Variants in WRN observed in about 807,000 individuals in gnomAD.
The protein encoded by WRN is bifunctional 3'-5' exonuclease/ATP-dependent helicase WRN.
WRN carries 149 observed loss-of-function variants against 180.7 expected under a neutral mutation model. The observed-to-expected ratio is 0.82, with a 90% CI of 0.72 to 0.94. The LOEUF is 0.94. WRN is among the 40% of genes least tolerant of loss of function. The pLI, the probability that WRN is intolerant of heterozygous loss-of-function variation, is 0.00. For missense variants in WRN, 1,661 were observed against 1,700.1 expected (o/e 0.98, Z 0.40); for synonymous variants, 548 against 568.9 (o/e 0.96, Z 0.52).
rs1802017991 is a variant in WRN, at chr8:31,128,630, C to T, written c.2825+3630C>T. On this transcript the variant is annotated intron_variant, in intron 23 of 34. Coordinates refer to ENST00000298139, the MANE Select transcript of WRN (RefSeq NM_000553.6). ...ATCCCAGCACTTTGGGAGGCCGAGG[C>T]GGGTGGATCCCGAGGTCAGGAGATC... Among the ~76,000 whole-genome samples, 5 of 152,134 alleles carry T rather than the reference C, an allele frequency of 3.3e-5. No homozygotes were observed. In the South Asian group the frequency reaches 1.0e-3, roughly 31 times the overall value.
chr8:31,035,103 A>G (rs1002499816), intron 1 of WRN, among the ~76,000 whole-genome samples: 40 of 152,116 alleles, frequency 2.6e-4, no homozygotes, highest in African/African-American at 9.2e-4. Flanking sequence ...AATCCAACAA[A>G]TGTTTATTAA....
At chr8:31,098,828 T>TA (rs1355159126) in intron 17 of WRN, among the ~76,000 whole-genome samples, 14 of 152,152 alleles carry the variant, frequency 9.2e-5, no homozygotes, top group African/African-American at 2.4e-5. Context: ...TTTCCAGGGA[T>TA]AAGGTTTAGC....
At chr8:31,140,015 T>G (rs1228465783) in intron 24 of WRN, among the ~76,000 whole-genome samples, 2 of 120,208 alleles carry the variant, frequency 1.7e-5, no homozygotes, top group African/African-American at 3.2e-5. Context: ...TTTTTTTTTT[T>G]TTTTTTTTTT....
intron 27 of WRN, among the ~76,000 whole-genome samples, chr8:31,143,056 T>TACATTC (rs760602455): frequency 8.7e-6 from 1 of 115,590 alleles, no homozygotes; most frequent in Non-Finnish European, 1.9e-5. Context: ...CACACACACA[T>TACATTC]TCTCTCTCTC....
chr8:31,087,754 A>G, intron 11 of WRN, 22 bp from the exon 12 acceptor site: 2 of 1,609,872 alleles, frequency 1.2e-6, no homozygotes, highest in Non-Finnish European at 1.7e-6. Context: ...TTTTGCTTTT[A>G]AGATTTCTTT....
At chr8:31,116,986 C>T (rs186620822) in intron 20 of WRN, among the ~76,000 whole-genome samples, 128 of 152,086 alleles carry the variant, frequency 8.4e-4, no homozygotes, top group African/African-American at 2.8e-3. Context: ...AGGAATGGCA[C>T]AAAGTATGGA....
intron 24 of WRN, among the ~76,000 whole-genome samples, chr8:31,134,499 T>C (rs2130384767): frequency 6.6e-6 from 1 of 152,334 alleles, no homozygotes; most frequent in Non-Finnish European, 1.5e-5. Flanking sequence ...ACAGTGAAGT[T>C]ATTACTTAAG....
intron 4 of WRN, among the ~76,000 whole-genome samples, 166 bp downstream of exon 4, chr8:31,064,600 T>C (rs1360025920): frequency 1.3e-5 from 2 of 152,236 alleles, no homozygotes; most frequent in East Asian, 1.9e-4. Flanking sequence ...TTTTATTTAA[T>C]TTTCACAACA....
chr8:31,068,264 TTTA>T lies in WRN; in HGVS notation c.667_669del (p.Ile223del), dbSNP rs2130056327. On this transcript the variant is annotated inframe_deletion, in exon 7 of 35. Coordinates refer to ENST00000298139, the MANE Select transcript of WRN (RefSeq NM_000553.6). ...TTTTTCTGTTTTTTTATAGGCTGGT[TTTA>T]TTATTTACCGAAATTTAGAGATTTT... is the stretch of plus-strand genomic sequence containing the variant. The T allele has an allele frequency of 1.2e-6, 2 of 1,606,032 alleles. No homozygotes were observed. Among genetic ancestry groups the T allele is most frequent in the Non-Finnish European group, 1.7e-6 (2 of 1,174,484 alleles).
Position 31,116,472 on chromosome 8 carries a change from A to G in WRN, c.2392A>G (p.Met798Val), listed in dbSNP as rs1585478471. 1.2e-6 allele frequency: 2 copies of G among 1,613,910 alleles called. No homozygotes were observed. Among genetic ancestry groups the G allele is most frequent in the Non-Finnish European group, 1.7e-6 (2 of 1,179,930 alleles). Residue 798 changes from methionine (M) to valine (V), a missense_variant, in exon 20 of 35, where the codon ATG (methionine) becomes GTG (valine). This residue lies in a region of WRN where 1,141 missense variants were observed against 1,149.4 expected (regional missense o/e 0.99). Transcript: ENST00000298139. ...ATCCTGTGGAACATACCATGCGGGC[A>G]TGAGTTTTAGCACAAGGAAAGACAT... ...NLSCGTYHAG[M>V]SFSTRKDIHH...
intron 3 of WRN, among the ~76,000 whole-genome samples, chr8:31,060,773 A>G (rs1812459428): frequency 1.3e-5 from 2 of 152,226 alleles, no homozygotes; most frequent in Admixed American, 6.5e-5. Context: ...GTAGTATGTC[A>G]TATCTGAAGG....
intron 16 of WRN, among the ~76,000 whole-genome samples, chr8:31,096,348 T>C (rs2553260): frequency 0.96 from 146,842 of 152,242 alleles, 71,053 homozygotes; most frequent in East Asian, 1. Flanking sequence ...CAGACCTAGC[T>C]TTATTACAAA....
At chr8:31,160,546 G>A (rs892257638) in intron 33 of WRN, among the ~76,000 whole-genome samples, 1 of 152,162 alleles carries the variant, frequency 6.6e-6, no homozygotes, top group Admixed American at 6.5e-5. Flanking sequence ...ATGAGATAGC[G>A]TTTTAGGGAA....
At chr8:31,150,497 T>A (rs1312315292) in intron 31 of WRN, 42 bp downstream of exon 31, 7 of 1,571,074 alleles carry the variant, frequency 4.5e-6, no homozygotes, top group Non-Finnish European at 5.3e-6. Context: ...AGAATAAGCA[T>A]TTTTTGTAAC....
chr8:31,060,377 A>T (rs539390086), intron 3 of WRN, among the ~76,000 whole-genome samples: 1 of 152,260 alleles, frequency 6.6e-6, no homozygotes, highest in Admixed American at 6.5e-5. Flanking sequence ...GACCAGCCAT[A>T]GTAAGACCCC....
At position 31,090,517 on chromosome 8, in the gene WRN, G is replaced by C. The variant is rs755823012; in HGVS notation, c.1705G>C (p.Ala569Pro). The change falls in exon 14 of 35, where the codon GCT becomes CCT. Residue 569 changes from alanine (A) to proline (P), a missense_variant. Coordinates refer to ENST00000298139, the MANE Select transcript of WRN (RefSeq NM_000553.6). ...SVLEERRDNVAVMATGYGKSL... is the reference protein window; with the variant it reads ...SVLEERRDNVPVMATGYGKSL... ...ATTAGAAGAAAGAAGAGATAATGTT[G>C]CTGTCATGGCAACTGGTAAGTTGTA... The C allele has an allele frequency of 6.2e-7, 1 of 1,612,138 alleles. No individual in the cohort carries two copies.
chr8:31,039,882 T>G (rs1303599703), intron 1 of WRN, among the ~76,000 whole-genome samples: 3 of 152,202 alleles, frequency 2.0e-5, no homozygotes, highest in African/African-American at 7.2e-5. Flanking sequence ...CCCTTGCCTT[T>G]CTGGGGTAAA....
At chr8:31,119,310 C>T (rs1801632590) in intron 20 of WRN, among the ~76,000 whole-genome samples, 1 of 151,924 alleles carries the variant, frequency 6.6e-6, no homozygotes, top group Non-Finnish European at 1.5e-5. Context: ...CATGTCTTTC[C>T]CACTTCTGTT....
intron 17 of WRN, among the ~76,000 whole-genome samples, chr8:31,097,806 G>T (rs1814053632): frequency 6.6e-6 from 1 of 152,034 alleles, no homozygotes; most frequent in South Asian, 2.1e-4. Flanking sequence ...CTTCTTGGTG[G>T]TTAGGCTTAA....
Sources: allele counts gnomAD v4.1 joint callset (sites outside exome capture counted in the v4.1 genomes callset), GRCh38; gene constraint gnomAD v4.1.1; regional missense constraint gnomAD v4.1.1; transcripts MANE v1.5; gene names NCBI Gene and HGNC (gene_info 2026-07-23, HGNC 2026-07-21).